Variants in SETD3 observed in about 807,000 individuals in gnomAD.
The protein encoded by SETD3 is actin-histidine N-methyltransferase.
A neutral mutation model predicts 63.0 loss-of-function variants in SETD3; 19 were observed. The ratio of observed to expected loss-of-function variants is 0.30; its 90% CI spans 0.21 to 0.44. The LOEUF is 0.44. Ranked by LOEUF, SETD3 falls within the 20% of genes least tolerant of loss-of-function variation. The probability of loss-of-function intolerance (pLI) is 1.00; values close to 1 mark genes in which losing one functional copy is unlikely to be tolerated. For missense variants in SETD3, 587 were observed against 728.5 expected (o/e 0.81, Z 2.24); for synonymous variants, 286 against 264.1 (o/e 1.08, Z -0.80).
intron 9 of SETD3, among the ~76,000 whole-genome samples, 184 bp downstream of exon 9, chr14:99,406,332 G>A (rs999304916): frequency 2.0e-5 from 3 of 152,190 alleles, no homozygotes; most frequent in African/African-American, 4.8e-5. Flanking sequence ...GCACAAGTGA[G>A]TAAAGCACAA....
chr14:99,441,317 G>A (rs989107772), intron 6 of SETD3, among the ~76,000 whole-genome samples: 1 of 152,152 alleles, frequency 6.6e-6, no homozygotes, highest in Non-Finnish European at 1.5e-5. Context: ...CCCTCAGAGA[G>A]CCTGGCCACA....
At chr14:99,415,189 T>A (rs1299442624) in intron 6 of SETD3, among the ~76,000 whole-genome samples, 2 of 152,240 alleles carry the variant, frequency 1.3e-5, no homozygotes, top group East Asian at 3.8e-4. Context: ...CCTGCCTGTT[T>A]TCATACTCTA....
chr14:99,442,421 T>C (rs545193768), intron 6 of SETD3, among the ~76,000 whole-genome samples: 11 of 152,250 alleles, frequency 7.2e-5, no homozygotes, highest in African/African-American at 9.6e-5. Context: ...GTTGGGAAGA[T>C]AGACAAATGA....
At chr14:99,452,359 C>T (rs943616258) in intron 6 of SETD3, among the ~76,000 whole-genome samples, 3 of 152,166 alleles carry the variant, frequency 2.0e-5, no homozygotes, top group African/African-American at 4.8e-5. Context: ...CCTGCCTCGG[C>T]CTCCCGGAGT....
At position 99,398,552 on chromosome 14, in the gene SETD3, T is replaced by C. The variant is rs1297663820; in HGVS notation, c.*127A>G. 1.1e-6 allele frequency: 1 copy of C among 917,598 alleles called. No homozygotes were observed. Among genetic ancestry groups the C allele is most frequent in the Non-Finnish European group, 1.6e-6 (1 of 617,600 alleles). 56.8% of individuals were successfully genotyped at this position (917,598 alleles called of 1,614,324 possible). A position where few individuals can be genotyped will look rare whatever the true frequency, so the allele number is the denominator to read the frequency against. The stretch of plus-strand genomic sequence containing the variant: ...AAATAACTTAAAAAAACCATTTTTA[T>C]ATAAAGCAGCAAAAACATATCTTCC... On this transcript the variant is annotated 3_prime_UTR_variant, in exon 13 of 13. Transcript: ENST00000331768.
intron 6 of SETD3, among the ~76,000 whole-genome samples, chr14:99,414,486 G>A (rs1298740643): frequency 6.6e-6 from 1 of 152,230 alleles, no homozygotes; most frequent in African/African-American, 2.4e-5. Flanking sequence ...GGCAAATGCG[G>A]ATCAAGCACG....
chr14:99,482,442 G>A (rs1252807609), upstream of SETD3, among the ~76,000 whole-genome samples: 5 of 152,190 alleles, frequency 3.3e-5, no homozygotes, highest in Non-Finnish European at 5.9e-5. Flanking sequence ...TGAAAGAATG[G>A]ATGGATGATG....
At position 99,444,784 on chromosome 14, in the gene SETD3, G is replaced by A. The variant is rs185732579; in HGVS notation, c.675+13495C>T. ...TGGCAGGTGGAGGCTGCAGTGAGCC[G>A]TGATTGAGCCACTGCACACCAGCCT... On this transcript the variant is annotated intron_variant, in intron 6 of 12. Transcript: ENST00000331768. 2.9e-3 allele frequency among the ~76,000 whole-genome samples: 437 copies of A among 151,258 alleles called. 1 individual carries two copies. The highest frequency in any genetic ancestry group is 5.5e-3 in the Non-Finnish European group (374 of 67,882).
At chr14:99,433,345 TATA>T (rs1443590017) in intron 6 of SETD3, among the ~76,000 whole-genome samples, 1 of 152,176 alleles carries the variant, frequency 6.6e-6, no homozygotes, top group Non-Finnish European at 1.5e-5. Context: ...TTCCAAAACT[TATA>T]AAAACAGTGT....
intron 1 of SETD3, among the ~76,000 whole-genome samples, chr14:99,475,282 A>G (rs1895911888): frequency 1.3e-5 from 2 of 152,234 alleles, no homozygotes; most frequent in African/African-American, 4.8e-5. Context: ...GTTTAAGATC[A>G]TGGTGCCGGA....
At chr14:99,460,852 T>C (rs1230427286) in intron 4 of SETD3, among the ~76,000 whole-genome samples, 1 of 152,188 alleles carries the variant, frequency 6.6e-6, no homozygotes, top group Non-Finnish European at 1.5e-5. Flanking sequence ...CTCCACCCAC[T>C]CACCTCCAGT....
At chr14:99,413,654 T>C (rs1892128401) in intron 7 of SETD3, among the ~76,000 whole-genome samples, 1 of 152,246 alleles carries the variant, frequency 6.6e-6, no homozygotes, top group Non-Finnish European at 1.5e-5. Context: ...CTACCTCAGC[T>C]AATCCCCTGC....
At chr14:99,458,716 T>C (rs369402622) in intron 5 of SETD3, among the ~76,000 whole-genome samples, 181 bp from the exon 6 acceptor site, 139 of 149,812 alleles carry the variant, frequency 9.3e-4, no homozygotes, top group African/African-American at 3.0e-3. Context: ...GGTGGGAGGA[T>C]TGCTTGAGCT....
rs1894886928 is a variant in SETD3 at position 99,458,502 on chromosome 14, G to C, written c.452C>G (p.Ala151Gly). Reference sequence around the variant, plus strand: ...AAAGGCCAGTGCGATGTTTCCCATGGCTTGAAGGATTCGGTCTTGAGAATA... The same window carrying C: ...AAAGGCCAGTGCGATGTTTCCCATGCCTTGAAGGATTCGGTCTTGAGAATA... ...PLYSQDRILQ[A>G]MGNIALAFHL... The change falls in exon 6 of 13, where the codon GCC becomes GGC. Residue 151 changes from alanine (A) to glycine (G), a missense_variant. By Grantham distance (60) the Ala-to-Gly change is moderately conservative (BLOSUM62 0). Coordinates refer to ENST00000331768, the MANE Select transcript of SETD3 (RefSeq NM_032233.3). The C allele has an allele frequency of 6.2e-7, 1 of 1,614,164 alleles. No individual in the cohort carries two copies. The highest frequency in any genetic ancestry group is 8.5e-7 in the Non-Finnish European group (1 of 1,180,028).
chr14:99,443,253 CCAT>C (rs1485810880), intron 6 of SETD3, among the ~76,000 whole-genome samples: 5 of 150,096 alleles, frequency 3.3e-5, no homozygotes, highest in African/African-American at 1.0e-4. Context: ...CTCTGAACTC[CCAT>C]TTTTTTTTTT....
chr14:99,463,672 T>C, intron 2 of SETD3, 94 bp from the exon 3 acceptor site: 1 of 983,176 alleles, frequency 1.0e-6, no homozygotes, highest in Admixed American at 2.3e-5. Context: ...TTGTTGTTGC[T>C]GTTCTGGGGT....
chr14:99,463,810 A>G (rs1342521783), intron 2 of SETD3, among the ~76,000 whole-genome samples: 2 of 149,668 alleles, frequency 1.3e-5, no homozygotes, highest in African/African-American at 2.6e-5. Context: ...TAACGTACCC[A>G]AGAGAGAGCA....
At chr14:99,469,553 G>A (rs1895582411) in intron 1 of SETD3, among the ~76,000 whole-genome samples, 1 of 152,176 alleles carries the variant, frequency 6.6e-6, no homozygotes, top group South Asian at 2.1e-4. Context: ...AGACCAGCCT[G>A]GAAAACATGG....
chr14:99,479,532 C>A (rs1896149811), intron 1 of SETD3, among the ~76,000 whole-genome samples: 1 of 152,194 alleles, frequency 6.6e-6, no homozygotes, highest in African/African-American at 2.4e-5. Flanking sequence ...ATAAACACTT[C>A]TCCGAGATTA....
Sources: gnomAD v4.1 joint callset for allele counts (sites outside exome capture counted in the v4.1 genomes callset) on GRCh38, gnomAD v4.1.1 for gene constraint, MANE v1.5 for transcripts, NCBI Gene and HGNC (gene_info 2026-07-23, HGNC 2026-07-21) for gene names.